LY96: variants seen among roughly 807,000 people sequenced by gnomAD.
LY96 encodes the protein myeloid differentiation protein-2.
In LY96, 18 loss-of-function variants were observed where a neutral mutation model predicts 18.9. That is an observed-to-expected ratio of 0.95 (90% CI 0.66 to 1.41). The LOEUF (loss-of-function observed/expected upper bound fraction) is 1.41. Ranked by LOEUF, LY96 falls within the 40% of genes most tolerant of loss-of-function variation. LY96 has a pLI of 0.00. For synonymous variants in LY96, 66 were observed against 62.6 expected (o/e 1.06, Z -0.26); for missense variants, 175 against 182.4 (o/e 0.96, Z 0.23).
the LY96 span, among the ~76,000 whole-genome samples, chr8:74,086,385 T>A: frequency 6.6e-6 from 1 of 152,232 alleles, no homozygotes. Context: ...GCTGAATGAA[T>A]GAATTAGCTC....
the LY96 span, among the ~76,000 whole-genome samples, chr8:74,043,459 T>G: frequency 6.6e-6 from 1 of 152,228 alleles, no homozygotes. Context: ...AGCCAGGGAC[T>G]GCAGTTGGGA....
At chr8:74,048,941 G>A in the LY96 span, among the ~76,000 whole-genome samples, 3 of 152,232 alleles carry the variant, frequency 2.0e-5, no homozygotes, top group Admixed American at 6.5e-5. Context: ...GCTACACTCA[G>A]CCGTAAGGGA....
At chr8:74,014,503 T>C (rs1297803356) in intron 3 of LY96, among the ~76,000 whole-genome samples, 2 of 143,712 alleles carry the variant, frequency 1.4e-5, no homozygotes, top group Non-Finnish European at 3.0e-5. Flanking sequence ...TTTTTTTTTT[T>C]AAAGGGAAAC....
chr8:74,070,196 A>G, the LY96 span, among the ~76,000 whole-genome samples: 1 of 151,546 alleles, frequency 6.6e-6, no homozygotes, highest in African/African-American at 2.4e-5. Context: ...GGTTCAGGCC[A>G]TTCTCCTGCC....
the LY96 span, among the ~76,000 whole-genome samples, chr8:74,064,539 G>A: frequency 9.7e-4 from 147 of 152,184 alleles, no homozygotes; most frequent in East Asian, 3.5e-3. Flanking sequence ...TTTTAAAAGC[G>A]CATGGCACCC....
chr8:74,087,483 A>G, the LY96 span, among the ~76,000 whole-genome samples: 1 of 152,216 alleles, frequency 6.6e-6, no homozygotes, highest in Non-Finnish European at 1.5e-5. Context: ...GTCAGCACTC[A>G]GGCTCCAATC....
intron 2 of LY96, 24 bp downstream of exon 2, chr8:74,004,909 T>G (rs1265485248): frequency 6.3e-7 from 1 of 1,578,914 alleles, no homozygotes; most frequent in Admixed American, 1.7e-5. Flanking sequence ...TTTGCTTTTA[T>G]AGACCAATCA....
chr8:74,093,094 A>G, the LY96 span, among the ~76,000 whole-genome samples: 3 of 152,080 alleles, frequency 2.0e-5, no homozygotes, highest in African/African-American at 7.2e-5. Flanking sequence ...GTCATTCTGG[A>G]TTTTCAGTTC....
the LY96 span, among the ~76,000 whole-genome samples, chr8:74,057,614 A>G: frequency 6.6e-6 from 1 of 152,154 alleles, no homozygotes; most frequent in South Asian, 2.1e-4. Context: ...GCCCAATTTC[A>G]CTGTCCCCTG....
chr8:74,079,931 G>GA, the LY96 span, among the ~76,000 whole-genome samples: 1 of 152,124 alleles, frequency 6.6e-6, no homozygotes, highest in Non-Finnish European at 1.5e-5. Flanking sequence ...AGGGAAGGGG[G>GA]AAGAACTGAT....
the LY96 span, among the ~76,000 whole-genome samples, chr8:74,066,616 T>C: frequency 6.6e-6 from 1 of 152,154 alleles, no homozygotes; most frequent in Non-Finnish European, 1.5e-5. Flanking sequence ...TAAAGACTTA[T>C]ATTGAGGATT....
the LY96 span, among the ~76,000 whole-genome samples, chr8:74,060,082 G>A: frequency 6.6e-6 from 1 of 152,198 alleles, no homozygotes; most frequent in African/African-American, 2.4e-5. Context: ...AGGAGGCAGA[G>A]GTTGCAGTGA....
At chr8:74,084,020 C>T in the LY96 span, among the ~76,000 whole-genome samples, 1 of 151,648 alleles carries the variant, frequency 6.6e-6, no homozygotes, top group Non-Finnish European at 1.5e-5. Flanking sequence ...TCCCCTCATG[C>T]TCTTTTTTTT....
intron 1 of LY96, among the ~76,000 whole-genome samples, chr8:73,996,368 CATTCCTTTCTTTCTTT>C (rs1816133081): frequency 9.1e-4 from 57 of 62,534 alleles, no homozygotes; most frequent in African/African-American, 2.5e-3. Flanking sequence ...TTCCTTCCTT[CATTCCTTTCTTTCTTT>C]CTTTCTTTCT....
At chr8:74,043,794 A>G in the LY96 span, among the ~76,000 whole-genome samples, 2 of 152,238 alleles carry the variant, frequency 1.3e-5, no homozygotes, top group South Asian at 4.1e-4. Context: ...GAGGATACTT[A>G]GGCCTCTAAA....
At chr8:74,082,040 C>G in the LY96 span, among the ~76,000 whole-genome samples, 1 of 152,220 alleles carries the variant, frequency 6.6e-6, no homozygotes, top group Non-Finnish European at 1.5e-5. Flanking sequence ...TTGGCTTCAG[C>G]TTCCTGCTCC....
intron 1 of LY96, among the ~76,000 whole-genome samples, chr8:73,999,327 A>G (rs1261514927): frequency 6.6e-6 from 1 of 152,006 alleles, no homozygotes; most frequent in East Asian, 1.9e-4. Context: ...GAGCAGTGGC[A>G]CAATCTTGGC....
At chr8:74,049,684 T>G in the LY96 span, among the ~76,000 whole-genome samples, 2 of 152,142 alleles carry the variant, frequency 1.3e-5, no homozygotes, top group African/African-American at 4.8e-5. Context: ...TCTACATGAG[T>G]GCTGTTTCTC....
chr8:74,018,180 A>T (rs1373338360), intron 3 of LY96, among the ~76,000 whole-genome samples: 1 of 152,134 alleles, frequency 6.6e-6, no homozygotes, highest in Non-Finnish European at 1.5e-5. Flanking sequence ...AGACACACAT[A>T]GGCTCAAAAT....
Sources: gnomAD v4.1 joint callset for allele counts (sites outside exome capture counted in the v4.1 genomes callset) on GRCh38, gnomAD v4.1.1 for gene constraint, MANE v1.5 for transcripts, NCBI Gene and HGNC (gene_info 2026-07-23, HGNC 2026-07-21) for gene names.